The following PYROXD1 variants were observed in gnomAD, a reference collection of about 807,000 sequenced individuals.
PYROXD1 encodes tRNA ligase complex-associated NAD(P)H dehydrogenase PYROXD1.
PYROXD1 carries 42 observed loss-of-function variants against 62.0 expected under a neutral mutation model. The ratio of observed to expected loss-of-function variants is 0.68; its 90% CI spans 0.53 to 0.88. The LOEUF (loss-of-function observed/expected upper bound fraction) is 0.88, where lower values mean the gene tolerates loss of function less well. PYROXD1 is among the 40% of genes least tolerant of loss of function. PYROXD1 has a pLI of 0.00. For synonymous variants in PYROXD1, 170 were observed against 206.4 expected, an observed-to-expected ratio of 0.82 and a Z score of 1.51; for missense variants, 493 against 604.8, an observed-to-expected ratio of 0.82 and a Z score of 1.94.
intron 2 of PYROXD1, among the ~76,000 whole-genome samples, chr12:21,444,237 A>G (rs940234479): frequency 6.6e-6 from 1 of 152,236 alleles, no homozygotes; most frequent in Non-Finnish European, 1.5e-5. Context: ...TAAATGTGCC[A>G]ATAACAAATA....
rs373496176 is a variant in PYROXD1, at chr12:21,437,692, C to T, written c.-39C>T. ...TCCTGGAGTCCAGAGTCCCGTTGCT[C>T]CGCCGCGATATTCAGTAAACCACTG... On this transcript the variant is annotated 5_prime_UTR_variant, in exon 1 of 12. Coordinates refer to ENST00000240651, the MANE Select transcript of PYROXD1 (RefSeq NM_024854.5). The T allele has an allele frequency of 6.3e-6, 10 of 1,584,108 alleles. No homozygotes were observed. Among genetic ancestry groups the T allele is most frequent in the Non-Finnish European group, 7.7e-6 (9 of 1,164,154 alleles).
rs747221135 is a variant in PYROXD1 at position 21,461,074 on chromosome 12, A to C, written c.800A>C (p.Tyr267Ser). 2 of 1,576,342 alleles carry C rather than the reference A, an allele frequency of 1.3e-6. No homozygotes were observed. The highest frequency in any genetic ancestry group is 2.4e-5 in the South Asian group (2 of 84,438). ...ACTATGTGTGAAGTAAAGAAAATCT[A>C]CCTTCAGGATGAGTTTAGAATTTTG... is the stretch of plus-strand genomic sequence containing the variant. ...LETMCEVKKIYLQDEFRILKK... is the reference protein window; with the variant it reads ...LETMCEVKKISLQDEFRILKK... Residue 267 changes from tyrosine (Y) to serine (S), a missense_variant, in exon 8 of 12, where the codon TAC becomes TCC. Around this residue, in one of 2 missense-constraint regions of PYROXD1, gnomAD observed 329 missense variants for 446.6 expected, o/e 0.74. Coordinates refer to ENST00000240651, the MANE Select transcript of PYROXD1 (RefSeq NM_024854.5).
intron 11 of PYROXD1, among the ~76,000 whole-genome samples, 169 bp downstream of exon 11, chr12:21,467,787 A>G (rs558954185): frequency 6.6e-6 from 1 of 152,050 alleles, no homozygotes; most frequent in Admixed American, 6.6e-5. Flanking sequence ...GCTAGTCTTA[A>G]TCCCTAATCA....
intron 10 of PYROXD1, 78 bp downstream of exon 10, chr12:21,462,940 A>G: frequency 1.4e-6 from 2 of 1,454,308 alleles, no homozygotes; most frequent in East Asian, 2.5e-5. Flanking sequence ...AACAAATCCA[A>G]CTTCTGGTTT....
intron 4 of PYROXD1, 139 bp from the exon 5 acceptor site, chr12:21,451,942 A>G: frequency 1.6e-6 from 1 of 607,682 alleles, no homozygotes; most frequent in South Asian, 2.1e-5. Context: ...ACCCTGATAC[A>G]GTGGGAAAGT....
rs188993750 is a variant in PYROXD1, at chr12:21,450,611, C to T, written c.414+920C>T. The stretch of plus-strand genomic sequence containing the variant: ...AGAAGCTCTTCCTGGTTTCACAATA[C>T]TATGTCTAACCTCAAGTTCGTTGTT... On this transcript the variant is annotated intron_variant, in intron 4 of 11. Transcript: ENST00000240651. Among the ~76,000 whole-genome samples, 546 of 152,284 alleles carry T rather than the reference C, an allele frequency of 3.6e-3. 4 individuals carry two copies. The highest frequency in any genetic ancestry group is 6.1e-3 in the Non-Finnish European group (417 of 68,014).
chr12:21,460,740 A>T (rs1565553098), intron 7 of PYROXD1, among the ~76,000 whole-genome samples: 1 of 152,154 alleles, frequency 6.6e-6, no homozygotes, highest in South Asian at 2.1e-4. Flanking sequence ...TGTAATTTTT[A>T]AAAAATGCAT....
intron 2 of PYROXD1, among the ~76,000 whole-genome samples, chr12:21,441,970 C>T (rs1408765702): frequency 6.6e-6 from 1 of 152,222 alleles, no homozygotes; most frequent in Non-Finnish European, 1.5e-5. Context: ...GTCTGTGCAG[C>T]TCCGTCAGCT....
At chr12:21,448,466 A>C (rs1429622363) in intron 3 of PYROXD1, among the ~76,000 whole-genome samples, 1 of 152,240 alleles carries the variant, frequency 6.6e-6, no homozygotes, top group Non-Finnish European at 1.5e-5. Context: ...AATTATTTTT[A>C]AAGTTTTGTC....
Position 21,456,017 on chromosome 12 carries a change from C to A in PYROXD1, c.672C>A (p.Ser224Arg). The change falls in exon 7 of 12, where the codon AGC becomes AGA. Residue 224 changes from serine (S) to arginine (R), a missense_variant. Transcript: ENST00000240651. Reference sequence around the variant, plus strand: ...TAGGAAGGAAAAAGGAAGCTAGAAGCAAATCTAAAGCAGATAATGTAGGAA... The same window carrying A: ...TAGGAAGGAAAAAGGAAGCTAGAAGAAAATCTAAAGCAGATAATGTAGGAA... Reference protein sequence around the residue: ...TTEGRKKEARSKSKADNVGSA... With the variant: ...TTEGRKKEARRKSKADNVGSA... 1 of 1,608,292 alleles carries A rather than the reference C, an allele frequency of 6.2e-7. No homozygotes were observed. The highest frequency in any genetic ancestry group is 1.7e-5 in the Admixed American group (1 of 59,188).
chr12:21,450,991 G>A (rs1040326293), intron 4 of PYROXD1, among the ~76,000 whole-genome samples: 7 of 152,130 alleles, frequency 4.6e-5, no homozygotes, highest in African/African-American at 1.7e-4. Flanking sequence ...TCACCTCTAG[G>A]TCCAGTGCTC....
chr12:21,463,593 G>C (rs1455564152), intron 10 of PYROXD1, among the ~76,000 whole-genome samples: 1 of 151,362 alleles, frequency 6.6e-6, no homozygotes, highest in Non-Finnish European at 1.5e-5. Context: ...TCAGGAGGCT[G>C]AGGCACAAGA....
At chr12:21,457,026 A>T in intron 7 of PYROXD1, 1 of 332,738 alleles carries the variant, frequency 3.0e-6, no homozygotes, top group Non-Finnish European at 5.9e-6. Flanking sequence ...TTCTTTTGTT[A>T]TTTCCACCAT....
Position 21,470,758 on chromosome 12 carries a change from A to G in PYROXD1, c.*2004A>G. On this transcript the variant is annotated 3_prime_UTR_variant, in exon 12 of 12. Coordinates refer to ENST00000240651, the MANE Select transcript of PYROXD1 (RefSeq NM_024854.5). ...GTCCTCCCATTCCAAGAAACTGGAA[A>G]CCCCTAGTTTATGTTAAAAGGCCAG... is the stretch of plus-strand genomic sequence containing the variant. The G allele has an allele frequency of 2.7e-6, 1 of 368,552 alleles. No homozygotes were observed. The highest frequency in any genetic ancestry group is 4.5e-5 in the East Asian group (1 of 21,998). The allele number at this position is 368,552 out of a possible 1,614,324, so 22.8% of individuals were successfully genotyped here. A position where few individuals can be genotyped will look rare whatever the true frequency, so the allele number is the denominator to read the frequency against.
intron 2 of PYROXD1, among the ~76,000 whole-genome samples, chr12:21,442,007 G>A (rs760165073): frequency 4.2e-4 from 64 of 152,194 alleles, no homozygotes; most frequent in Non-Finnish European, 8.1e-4. Flanking sequence ...AAGATTGCAG[G>A]GATCCTCAGC....
chr12:21,470,611 A>T lies in PYROXD1; in HGVS notation c.*1857A>T, dbSNP rs1340217165. 1 of 373,086 alleles carries T rather than the reference A, an allele frequency of 2.7e-6. No homozygotes were observed. The highest frequency in any genetic ancestry group is 2.1e-5 in the African/African-American group (1 of 47,100). The allele number at this position is 373,086 out of a possible 1,614,324, so 23.1% of individuals were successfully genotyped here. ...GACTTGACATGCTTTTGCAGACTTGATAGTATTTGGTTTAAAACAGTGGTT... is the reference window on the plus strand; with the variant it reads ...GACTTGACATGCTTTTGCAGACTTGTTAGTATTTGGTTTAAAACAGTGGTT... On this transcript the variant is annotated 3_prime_UTR_variant, in exon 12 of 12. Transcript: ENST00000240651.
chr12:21,457,146 A>G (rs1250823774), intron 7 of PYROXD1: 3 of 231,016 alleles, frequency 1.3e-5, no homozygotes, highest in Non-Finnish European at 1.7e-5. Flanking sequence ...ACTCCCTTGA[A>G]TCATGAATGT....
intron 5 of PYROXD1, among the ~76,000 whole-genome samples, chr12:21,453,575 G>A (rs1055330695): frequency 3.3e-5 from 5 of 152,084 alleles, no homozygotes; most frequent in Non-Finnish European, 5.9e-5. Context: ...TCACAAAACC[G>A]TAATATCTCA....
Position 21,437,745 on chromosome 12 carries a change from C to T in PYROXD1, c.15C>T (p.Arg5=), listed in dbSNP as rs1161725258. The change falls in exon 1 of 12, where the codon CGC becomes CGT. Residue 5 remains arginine (R), a synonymous_variant. Transcript: ENST00000240651. The stretch of plus-strand genomic sequence containing the variant: ...AGTCCGGCAGCATGGAGGCAGCGCG[C>T]CCTCCCCCGACGGCAGGGAAGTTCG... MEAA[R]PPPTAGKFVV... The T allele has an allele frequency of 6.2e-7, 1 of 1,612,602 alleles. No individual in the cohort carries two copies. Among genetic ancestry groups the T allele is most frequent in the Admixed American group, 1.7e-5 (1 of 59,870 alleles).
Sources: gnomAD v4.1 joint callset for allele counts (sites outside exome capture counted in the v4.1 genomes callset) on GRCh38, gnomAD v4.1.1 for gene constraint, gnomAD v4.1.1 regional missense constraint, MANE v1.5 for transcripts, NCBI Gene and HGNC (gene_info 2026-07-23, HGNC 2026-07-21) for gene names.